The following NCOA1 variants were observed in gnomAD, a reference collection of about 807,000 sequenced individuals.
The protein encoded by NCOA1 is Hin-2 protein.
Under a neutral mutation model 150.9 loss-of-function variants are expected in NCOA1, and 35 were observed. The ratio of observed to expected loss-of-function variants is 0.23; its 90% confidence interval spans 0.18 to 0.31. The LOEUF (loss-of-function observed/expected upper bound fraction) is 0.31, where lower values mean the gene tolerates loss of function less well. NCOA1 is among the 10% of genes least tolerant of loss of function. The pLI is 1.00. For missense variants in NCOA1, 1,491 were observed against 1,749.3 expected, an observed-to-expected ratio of 0.85 and a Z score of 2.63; for synonymous variants, 590 against 630.0, an observed-to-expected ratio of 0.94 and a Z score of 0.95.
Position 24,766,192 on chromosome 2 carries a change from G to A in NCOA1, c.4156-2029G>A, listed in dbSNP as rs190528202. Among the ~76,000 whole-genome samples the A allele has an allele frequency of 3.3e-5, 5 of 152,224 alleles. No homozygotes were observed. In the East Asian group the frequency reaches 9.6e-4, roughly 29 times the overall value. ...TAGAATTAGAGGCATGAGCCTCCAT[G>A]CCTATCCTAGACTATCTTTTAAAAA... On this transcript the variant is annotated intron_variant, in intron 22 of 22. Coordinates refer to ENST00000348332, the MANE Select transcript of NCOA1 (RefSeq NM_003743.5).
chr2:24,616,708 G>GT (rs1668885313), intron 3 of NCOA1, among the ~76,000 whole-genome samples: 1 of 152,120 alleles, frequency 6.6e-6, no homozygotes, highest in African/African-American at 2.4e-5. Flanking sequence ...AAGTACTGTA[G>GT]TTTTTTATAT....
At chr2:24,553,115 T>A (rs1265671798) in intron 1 of NCOA1, among the ~76,000 whole-genome samples, 1 of 152,232 alleles carries the variant, frequency 6.6e-6, no homozygotes, top group East Asian at 1.9e-4. Context: ...TTATGTATAA[T>A]GTTAGCTATA....
At chr2:24,631,939 G>T (rs1468445829) in intron 3 of NCOA1, among the ~76,000 whole-genome samples, 2 of 152,020 alleles carry the variant, frequency 1.3e-5, no homozygotes, top group Non-Finnish European at 2.9e-5. Flanking sequence ...AAATTAAGGT[G>T]ATAATATATA....
chr2:24,644,898 C>T (rs1670399167), intron 4 of NCOA1, among the ~76,000 whole-genome samples: 1 of 152,140 alleles, frequency 6.6e-6, no homozygotes, highest in Non-Finnish European at 1.5e-5. Context: ...AATACCACCA[C>T]CCCAGAAATC....
chr2:24,579,110 A>T (rs982366781), intron 2 of NCOA1, among the ~76,000 whole-genome samples: 1 of 152,208 alleles, frequency 6.6e-6, no homozygotes, highest in Non-Finnish European at 1.5e-5. Context: ...AAACATACAC[A>T]TACAGAACCT....
chr2:24,744,588 A>G (rs1663793529), intron 19 of NCOA1, among the ~76,000 whole-genome samples: 2 of 152,246 alleles, frequency 1.3e-5, no homozygotes. Flanking sequence ...TTTCAAAACA[A>G]AAACAGTTTA....
chr2:24,765,498 CAAA>C (rs200703883), intron 22 of NCOA1, among the ~76,000 whole-genome samples: 127 of 120,966 alleles, frequency 1.0e-3, no homozygotes, highest in African/African-American at 3.8e-3. Flanking sequence ...GACTCTGTCT[CAAA>C]AAAAAAAAAA....
intron 1 of NCOA1, among the ~76,000 whole-genome samples, chr2:24,493,468 A>G (rs563739831): frequency 4.5e-4 from 68 of 152,284 alleles, no homozygotes; most frequent in African/African-American, 1.6e-3. Flanking sequence ...AAGGTGCAAA[A>G]CGTGAATTTT....
chr2:24,565,564 A>T, intron 2 of NCOA1, among the ~76,000 whole-genome samples: 1 of 152,242 alleles, frequency 6.6e-6, no homozygotes, highest in East Asian at 1.9e-4. Flanking sequence ...TCCTAATGTC[A>T]TGGGATCCTT....
chr2:24,674,204 G>A (rs1162774556), intron 7 of NCOA1, among the ~76,000 whole-genome samples: 1 of 148,764 alleles, frequency 6.7e-6, no homozygotes, highest in Non-Finnish European at 1.5e-5. Flanking sequence ...TGGCCCTTGG[G>A]TACCCCTTTT....
chr2:24,694,363 G>A (rs910472557), intron 10 of NCOA1, among the ~76,000 whole-genome samples: 1 of 152,032 alleles, frequency 6.6e-6, no homozygotes, highest in African/African-American at 2.4e-5. Context: ...AAATATTAAA[G>A]GTATATTTTC....
At chr2:24,710,856 A>C (rs1304410254) in intron 13 of NCOA1, 75 bp from the exon 14 acceptor site, 20 of 1,397,206 alleles carry the variant, frequency 1.4e-5, no homozygotes, top group Non-Finnish European at 1.9e-5. Flanking sequence ...AGTTTAAAGA[A>C]GCAGCATTTT....
At chr2:24,700,282 A>G (rs1031280263) in intron 11 of NCOA1, among the ~76,000 whole-genome samples, 2 of 152,184 alleles carry the variant, frequency 1.3e-5, no homozygotes, top group African/African-American at 2.4e-5. Flanking sequence ...TAGGGACAGT[A>G]TAAAAAGAGT....
At chr2:24,562,809 A>G (rs1445772176) in intron 1 of NCOA1, among the ~76,000 whole-genome samples, 1 of 152,208 alleles carries the variant, frequency 6.6e-6, no homozygotes, top group African/African-American at 2.4e-5. Context: ...GAAACTGGAG[A>G]TAACAAGCGA....
At chr2:24,543,555 A>C (rs970576953) in intron 1 of NCOA1, among the ~76,000 whole-genome samples, 2 of 152,046 alleles carry the variant, frequency 1.3e-5, no homozygotes, top group Admixed American at 1.3e-4. Context: ...CAGATACTAC[A>C]ATGTAGTGTG....
intron 3 of NCOA1, among the ~76,000 whole-genome samples, chr2:24,617,151 C>T (rs991997908): frequency 3.9e-5 from 6 of 152,144 alleles, no homozygotes; most frequent in African/African-American, 1.4e-4. Flanking sequence ...AACATAAAAG[C>T]ATGTTGCTCC....
chr2:24,561,624 TGG>T, intron 1 of NCOA1, among the ~76,000 whole-genome samples: 1 of 152,308 alleles, frequency 6.6e-6, no homozygotes. Flanking sequence ...AGTAGTAGTA[TGG>T]ATGTTCACTC....
intron 1 of NCOA1, among the ~76,000 whole-genome samples, chr2:24,523,632 A>T (rs867726162): frequency 3.9e-5 from 5 of 128,482 alleles, no homozygotes; most frequent in East Asian, 2.3e-4. Flanking sequence ...AAAAAAAAAG[A>T]AACTGGGCTT....
chr2:24,565,060 G>A (rs1441726950), intron 2 of NCOA1, among the ~76,000 whole-genome samples: 1 of 152,126 alleles, frequency 6.6e-6, no homozygotes, highest in East Asian at 1.9e-4. Flanking sequence ...AGCTGTCCCT[G>A]TAGGACCTTT....
Sources: gnomAD v4.1 joint callset for allele counts (sites outside exome capture counted in the v4.1 genomes callset) on GRCh38, gnomAD v4.1.1 for gene constraint, MANE v1.5 for transcripts, NCBI Gene and HGNC (gene_info 2026-07-23, HGNC 2026-07-21) for gene names.